The following TBC1D10C variants were observed in gnomAD, a reference collection of about 807,000 sequenced individuals.
TBC1D10C encodes TBC1 domain family member 10C, also known as carabin.
TBC1D10C carries 49 observed loss-of-function variants against 51.0 expected under a neutral mutation model. That is an observed-to-expected ratio of 0.96 (90% CI 0.76 to 1.22). The LOEUF (loss-of-function observed/expected upper bound fraction) is 1.22, where lower values mean the gene tolerates loss of function less well. TBC1D10C is among the 50% of genes most tolerant of loss of function. The pLI is 0.00. For synonymous variants in TBC1D10C, 281 were observed against 266.7 expected (o/e 1.05, Z -0.52); for missense variants, 541 against 617.5 (o/e 0.88, Z 1.31).
At chr11:67,406,463 T>A (rs1419237155) in intron 5 of TBC1D10C, 164 bp from the exon 6 acceptor site, 2 of 643,680 alleles carry the variant, frequency 3.1e-6, no homozygotes, top group Non-Finnish European at 5.4e-6. Context: ...GGAGGGGGCT[T>A]TTGGGAAGGG....
Position 67,404,368 on chromosome 11 carries a change from G to A in TBC1D10C, c.152+14G>A, listed in dbSNP as rs1863054391. ...AGCAGAGCCAGGGTAAGGGGGCAGG[G>A]TGAGGGCTGGCGGAATGCTGGGACA... On this transcript the variant is annotated intron_variant, in intron 1 of 8. Transcript: ENST00000542590. 2.6e-6 allele frequency: 4 copies of A among 1,558,130 alleles called. No homozygotes were observed. The highest frequency in any genetic ancestry group is 2.3e-5 in the East Asian group (1 of 42,676).
At chr11:67,405,214 C>T in intron 2 of TBC1D10C, 30 bp downstream of exon 2, 1 of 1,544,536 alleles carries the variant, frequency 6.5e-7, no homozygotes, top group Non-Finnish European at 8.8e-7. Flanking sequence ...CACTTGGCTT[C>T]CATGGCTCAT....
At position 67,409,899 on chromosome 11, in the gene TBC1D10C, C is replaced by A; in HGVS notation, c.*145C>A. ...CCAGGCAGTGGGGAAGGAGGAGGTCCTCCGTGGTACATACTGGGTCAGGCA... is the reference window on the plus strand; with the variant it reads ...CCAGGCAGTGGGGAAGGAGGAGGTCATCCGTGGTACATACTGGGTCAGGCA... On this transcript the variant is annotated 3_prime_UTR_variant, in exon 9 of 9. Coordinates refer to ENST00000542590, the MANE Select transcript of TBC1D10C (RefSeq NM_001369496.1). 1.4e-6 allele frequency: 1 copy of A among 701,922 alleles called. No homozygotes were observed. Among genetic ancestry groups the A allele is most frequent in the South Asian group, 1.9e-5 (1 of 52,240 alleles). 43.5% of individuals were successfully genotyped at this position (701,922 alleles called of 1,614,324 possible).
chr11:67,409,238 C>T (rs901091242), intron 8 of TBC1D10C, 105 bp downstream of exon 8: 21 of 1,431,356 alleles, frequency 1.5e-5, no homozygotes, highest in Middle Eastern at 4.0e-4. Context: ...TAGTTCCTGT[C>T]CCCTGAGCTT....
intron 5 of TBC1D10C, 25 bp from the exon 6 acceptor site, chr11:67,406,602 G>T: frequency 6.4e-7 from 1 of 1,552,262 alleles, no homozygotes; most frequent in East Asian, 2.4e-5. Flanking sequence ...AGCACTTACA[G>T]GCCTGTGCCC....
intron 2 of TBC1D10C, 77 bp downstream of exon 2, chr11:67,405,261 C>A: frequency 6.6e-7 from 1 of 1,506,812 alleles, no homozygotes; most frequent in Non-Finnish European, 9.0e-7. Flanking sequence ...GCAAAATGTA[C>A]CCACCCTGTG....
intron 5 of TBC1D10C, 86 bp from the exon 6 acceptor site, chr11:67,406,541 T>G: frequency 7.9e-7 from 1 of 1,260,338 alleles, no homozygotes; most frequent in Non-Finnish European, 1.1e-6. Context: ...GGCCCTCCCC[T>G]TCACTCCTTT....
chr11:67,409,136 G>A lies in TBC1D10C; in HGVS notation c.993+3G>A, dbSNP rs1457134164. 1.3e-6 allele frequency: 2 copies of A among 1,587,846 alleles called. No homozygotes were observed. Among genetic ancestry groups the A allele is most frequent in the Non-Finnish European group, 1.7e-6 (2 of 1,168,346 alleles). On this transcript the variant is annotated splice_donor_region_variant and intron_variant, in intron 8 of 8. Transcript: ENST00000542590. The stretch of plus-strand genomic sequence containing the variant: ...AGGAGGAGGCCTTCATGTCACAGGT[G>A]GGTACCCCCACCTCTCCTTGGACTT...
Position 67,409,976 on chromosome 11 carries a change from T to C in TBC1D10C, c.*222T>C, listed in dbSNP as rs929957167. 6 of 529,962 alleles carry C rather than the reference T, an allele frequency of 1.1e-5. No homozygotes were observed. In the South Asian group the frequency reaches 1.5e-4, roughly 13 times the overall value. 32.8% of individuals were successfully genotyped at this position (529,962 alleles called of 1,614,324 possible). On this transcript the variant is annotated 3_prime_UTR_variant, in exon 9 of 9. Transcript: ENST00000542590. ...GGGCACGTGAGGACCCATGGAACCG[T>C]CCTGGTGCCCAGGCCCTCACAAGTA...
chr11:67,405,924 G>T lies in TBC1D10C; in HGVS notation c.489G>T (p.Val163=). 6.3e-7 allele frequency: 1 copy of T among 1,599,928 alleles called. No homozygotes were observed. The highest frequency in any genetic ancestry group is 2.3e-5 in the East Asian group (1 of 44,226). Residue 163 remains valine, a synonymous_variant, in exon 5 of 9, where the codon GTG becomes GTT. Transcript: ENST00000542590. ...QGHGQQGLLQ[V]LKAYTLYRPE... ...ACAGGCAGCAGGGGCTCCTGCAGGT[G>T]CTCAAGGCCTACACCCTGTATCGAC... is the stretch of plus-strand genomic sequence containing the variant.
rs1247383557 is a variant in TBC1D10C, at chr11:67,404,164, C to T, written c.-39C>T. ...GAGTGGCCCCTCACACTGGTTCTCC[C>T]CACTTTCTCTGCCTGTGGCATCGAA... On this transcript the variant is annotated 5_prime_UTR_variant, in exon 1 of 9. Coordinates refer to ENST00000542590, the MANE Select transcript of TBC1D10C (RefSeq NM_001369496.1). The T allele has an allele frequency of 6.9e-7, 1 of 1,459,188 alleles. No individual in the cohort carries two copies. The highest frequency in any genetic ancestry group is 9.1e-7 in the Non-Finnish European group (1 of 1,102,956). The allele number at this position is 1,459,188 out of a possible 1,614,324, so 90.4% of individuals were successfully genotyped here.
Position 67,404,406 on chromosome 11 carries a change from C to A in TBC1D10C, c.152+52C>A, listed in dbSNP as rs780745825. ...GAATGCTGGGACAGAGGACAGGGGGCTGAGGGCTGAATTCTGGAGGGAGGC... is the reference window on the plus strand; with the variant it reads ...GAATGCTGGGACAGAGGACAGGGGGATGAGGGCTGAATTCTGGAGGGAGGC... On this transcript the variant is annotated intron_variant, in intron 1 of 8. Transcript: ENST00000542590. 6.7e-6 allele frequency: 10 copies of A among 1,486,162 alleles called. No homozygotes were observed. In the East Asian group the frequency reaches 2.5e-4, roughly 37 times the overall value. The allele number at this position is 1,486,162 out of a possible 1,614,324, so 92.1% of individuals were successfully genotyped here.
rs775254524 is a variant in TBC1D10C at position 67,405,416 on chromosome 11, G to GA, written c.273dup (p.Gly92ArgfsTer114). On this transcript the variant is annotated frameshift_variant, in exon 3 of 9. Coordinates refer to ENST00000542590, the MANE Select transcript of TBC1D10C (RefSeq NM_001369496.1). LOFTEE classifies it high-confidence loss of function. ...ACCCACAGGTAAAGATGCAGTGCCG[G>GA]AAAGGCATCCCGTCTGCCCTGCGCG... 6.2e-7 allele frequency: 1 copy of GA among 1,613,584 alleles called. No individual in the cohort carries two copies. Among genetic ancestry groups the GA allele is most frequent in the Non-Finnish European group, 8.5e-7 (1 of 1,179,980 alleles).
intron 2 of TBC1D10C, 45 bp from the exon 3 acceptor site, chr11:67,405,353 AG>A (rs1863106321): frequency 6.3e-7 from 1 of 1,591,086 alleles, no homozygotes; most frequent in Admixed American, 1.7e-5. Context: ...GCCTGCCAGC[AG>A]GAGCTATGGA....
chr11:67,404,930 A>C, intron 1 of TBC1D10C, 155 bp from the exon 2 acceptor site: 1 of 631,274 alleles, frequency 1.6e-6, no homozygotes, highest in Non-Finnish European at 2.7e-6. Flanking sequence ...CCCCGTGACA[A>C]GCATTGGCAG....
At chr11:67,407,367 G>T in intron 7 of TBC1D10C, 1 of 263,548 alleles carries the variant, frequency 3.8e-6, no homozygotes, top group Non-Finnish European at 7.2e-6. Flanking sequence ...TGGGAATCAA[G>T]TGATCGAGAC....
chr11:67,406,732 G>T, intron 6 of TBC1D10C, 40 bp downstream of exon 6: 1 of 1,582,854 alleles, frequency 6.3e-7, no homozygotes, highest in Non-Finnish European at 8.6e-7. Context: ...GGAGGGGCAG[G>T]GGCCCGGTGA....
chr11:67,407,029 G>C lies in TBC1D10C; in HGVS notation c.838+13G>C, dbSNP rs764709666. On this transcript the variant is annotated intron_variant, in intron 7 of 8. Transcript: ENST00000542590. ...TTCCTCAGTGAGGGTGAGTGGGGCA[G>C]CCAGTGGCTGGGGCAGGAGCCTTGG... 5.6e-6 allele frequency: 9 copies of C among 1,605,674 alleles called. No homozygotes were observed. The Admixed American group carries it at 1.3e-4, about 24-fold the overall frequency.
intron 7 of TBC1D10C, chr11:67,408,713 T>G: frequency 2.4e-6 from 1 of 413,716 alleles, no homozygotes; most frequent in East Asian, 4.4e-5. Flanking sequence ...AGACCTTCAT[T>G]TTGGCGGGGG....
Sources: gnomAD v4.1 joint callset for allele counts on GRCh38, gnomAD v4.1.1 for gene constraint, MANE v1.5 for transcripts, NCBI Gene and HGNC (gene_info 2026-07-23, HGNC 2026-07-21) for gene names.